Variants in GNAQ observed in about 807,000 individuals in gnomAD.
GNAQ encodes G protein subunit alpha q.
Under a neutral mutation model 43.9 loss-of-function variants are expected in GNAQ, and 8 were observed. The observed-to-expected ratio is 0.18, with a 90% CI of 0.11 to 0.33. GNAQ has a LOEUF of 0.33. GNAQ is among the 10% of genes least tolerant of loss of function. GNAQ has a pLI of 1.00. For missense variants in GNAQ, 158 were observed against 450.8 expected, an observed-to-expected ratio of 0.35 and a Z score of 5.88; for synonymous variants, 155 against 170.7, an observed-to-expected ratio of 0.91 and a Z score of 0.71.
chr9:78,010,107 G>C (rs891697674), intron 1 of GNAQ, among the ~76,000 whole-genome samples: 1 of 152,182 alleles, frequency 6.6e-6, no homozygotes, highest in Admixed American at 6.5e-5. Flanking sequence ...CTTCATCAAG[G>C]CACACATCAA....
chr9:77,928,452 A>G (rs915103320), intron 1 of GNAQ, among the ~76,000 whole-genome samples: 2 of 152,238 alleles, frequency 1.3e-5, no homozygotes, highest in East Asian at 3.8e-4. Flanking sequence ...ACTATTAATA[A>G]TAACTAATCC....
intron 2 of GNAQ, among the ~76,000 whole-genome samples, chr9:77,871,241 A>G (rs1233766287): frequency 6.6e-6 from 1 of 152,248 alleles, no homozygotes; most frequent in Non-Finnish European, 1.5e-5. Flanking sequence ...GATGTAGTCT[A>G]TAGGACTATT....
chr9:77,785,457 T>C (rs1157014632), intron 5 of GNAQ, among the ~76,000 whole-genome samples: 1 of 152,020 alleles, frequency 6.6e-6, no homozygotes, highest in East Asian at 1.9e-4. Context: ...GTTTCAAGAG[T>C]CCTAGGAAGC....
At chr9:77,722,141 C>CTT (rs398068684) in intron 6 of GNAQ, among the ~76,000 whole-genome samples, 1 of 143,518 alleles carries the variant, frequency 7.0e-6, no homozygotes, top group South Asian at 2.2e-4. Context: ...ATTTTCTTTT[C>CTT]TTTTTTTTTT....
At chr9:77,807,307 G>T (rs966557722) in intron 3 of GNAQ, among the ~76,000 whole-genome samples, 1 of 152,116 alleles carries the variant, frequency 6.6e-6, no homozygotes, top group Admixed American at 6.5e-5. Context: ...TTATAATCAT[G>T]TGCATGTTCT....
At chr9:77,954,993 T>A (rs138430785) in intron 1 of GNAQ, among the ~76,000 whole-genome samples, 171 of 152,312 alleles carry the variant, frequency 1.1e-3, no homozygotes, top group African/African-American at 4.0e-3. Flanking sequence ...AGGCCTCTCC[T>A]GCATAACCAC....
intron 2 of GNAQ, among the ~76,000 whole-genome samples, chr9:77,828,278 T>C (rs1369664934): frequency 6.6e-6 from 1 of 152,114 alleles, no homozygotes; most frequent in Non-Finnish European, 1.5e-5. Context: ...TTAAAATTTT[T>C]TTTTGTAAAA....
At chr9:78,030,762 G>A (rs545537159) in intron 1 of GNAQ, among the ~76,000 whole-genome samples, 1 of 152,186 alleles carries the variant, frequency 6.6e-6, no homozygotes, top group East Asian at 1.9e-4. Context: ...CCGCGCCTCT[G>A]GTCGGAGTGA....
chr9:77,818,747 C>A (rs986538854), intron 2 of GNAQ, among the ~76,000 whole-genome samples: 1 of 152,042 alleles, frequency 6.6e-6, no homozygotes, highest in East Asian at 1.9e-4. Context: ...TGCCTGTAAT[C>A]CTAGCACTTT....
chr9:77,748,503 A>C (rs1825764488), intron 5 of GNAQ, among the ~76,000 whole-genome samples: 1 of 152,220 alleles, frequency 6.6e-6, no homozygotes, highest in Admixed American at 6.5e-5. Flanking sequence ...ACTACAGTAA[A>C]TGTGGGGCAT....
intron 1 of GNAQ, among the ~76,000 whole-genome samples, chr9:77,976,064 C>T (rs1432786767): frequency 1.3e-5 from 2 of 152,208 alleles, no homozygotes; most frequent in African/African-American, 4.8e-5. Context: ...TAGCAAGCTC[C>T]ATGCCCAGTT....
At chr9:77,817,760 C>T (rs1287079062) in intron 2 of GNAQ, among the ~76,000 whole-genome samples, 1 of 152,090 alleles carries the variant, frequency 6.6e-6, no homozygotes, top group Admixed American at 6.5e-5. Context: ...GAATATAGAA[C>T]AGAATGCAGT....
intron 5 of GNAQ, among the ~76,000 whole-genome samples, chr9:77,738,291 C>T (rs1284462713): frequency 6.6e-6 from 1 of 150,520 alleles, no homozygotes; most frequent in East Asian, 2.0e-4. Context: ...TCTGATACTA[C>T]TTGAATGTTA....
intron 2 of GNAQ, among the ~76,000 whole-genome samples, chr9:77,820,860 A>T (rs993573296): frequency 6.6e-6 from 1 of 152,216 alleles, no homozygotes; most frequent in Non-Finnish European, 1.5e-5. Context: ...ATAAGATGGA[A>T]CAATTTGTTG....
chr9:77,766,626 G>A (rs902740653), intron 5 of GNAQ, among the ~76,000 whole-genome samples: 3 of 152,146 alleles, frequency 2.0e-5, no homozygotes, highest in Non-Finnish European at 4.4e-5. Flanking sequence ...ACCGGGGCAG[G>A]AGGAGTGTGG....
At chr9:77,760,834 A>T (rs1039947490) in intron 5 of GNAQ, among the ~76,000 whole-genome samples, 1 of 130,364 alleles carries the variant, frequency 7.7e-6, no homozygotes, top group African/African-American at 3.0e-5. Context: ...ATCGTCTGAG[A>T]TGTGGGGAGT....
At chr9:77,808,857 C>T (rs1826869481) in intron 3 of GNAQ, among the ~76,000 whole-genome samples, 1 of 149,814 alleles carries the variant, frequency 6.7e-6, no homozygotes, top group Admixed American at 6.6e-5. Flanking sequence ...CTGGAGTAGG[C>T]TTAAACTTAA....
intron 1 of GNAQ, among the ~76,000 whole-genome samples, chr9:77,963,032 A>G (rs770485483): frequency 1.3e-5 from 2 of 152,192 alleles, no homozygotes; most frequent in Non-Finnish European, 2.9e-5. Flanking sequence ...GGCACTAAGA[A>G]TAAGAAGATA....
chr9:77,773,127 T>A (rs943426454), intron 5 of GNAQ, among the ~76,000 whole-genome samples: 5 of 152,244 alleles, frequency 3.3e-5, no homozygotes, highest in Admixed American at 2.6e-4. Context: ...ATTCTCTTAT[T>A]GTAAAAGAAA....
Sources: allele counts gnomAD v4.1 joint callset (sites outside exome capture counted in the v4.1 genomes callset), GRCh38; gene constraint gnomAD v4.1.1; transcripts MANE v1.5; gene names NCBI Gene and HGNC (gene_info 2026-07-23, HGNC 2026-07-21).